Variants in CDC42BPB observed in about 807,000 individuals in gnomAD.
The protein encoded by CDC42BPB is CDC42 binding protein kinase beta, also known as serine/threonine-protein kinase MRCK beta.
Under a neutral mutation model 214.9 loss-of-function variants are expected in CDC42BPB, and 37 were observed. The ratio of observed to expected loss-of-function variants is 0.17; its 90% confidence interval spans 0.13 to 0.23. CDC42BPB has a LOEUF of 0.23. Among genes scored for constraint, CDC42BPB ranks in the 10% least tolerant of loss-of-function variants. The pLI, the probability that CDC42BPB is intolerant of heterozygous loss-of-function variation, is 1.00. For synonymous variants in CDC42BPB, 931 were observed against 884.0 expected, an observed-to-expected ratio of 1.05 and a Z score of -0.94; for missense variants, 1,694 against 2,227.0, an observed-to-expected ratio of 0.76 and a Z score of 4.82.
intron 36 of CDC42BPB, among the ~76,000 whole-genome samples, chr14:102,935,442 T>C (rs1891606350): frequency 6.6e-6 from 1 of 151,652 alleles, no homozygotes; most frequent in South Asian, 2.1e-4. Context: ...GCTGAAAAAA[T>C]AGCTTAAATA....
chr14:102,997,366 C>A (rs1035595891), intron 5 of CDC42BPB, among the ~76,000 whole-genome samples: 14 of 152,314 alleles, frequency 9.2e-5, no homozygotes, highest in African/African-American at 3.1e-4. Context: ...AAAACTCTCT[C>A]ATATACCCCC....
chr14:102,942,973 A>T (rs562909575), intron 30 of CDC42BPB, among the ~76,000 whole-genome samples: 1 of 152,270 alleles, frequency 6.6e-6, no homozygotes, highest in Non-Finnish European at 1.5e-5. Flanking sequence ...GGTTCAAGCG[A>T]TTCTCCTGCC....
At position 102,981,032 on chromosome 14, in the gene CDC42BPB, T is replaced by G; in HGVS notation, c.892-11A>C. ...GAACTGGAATCGCTCCTGCAAGGGG[T>G]GGCAAAAACACCGGTGGACAGGTGG... is the stretch of plus-strand genomic sequence containing the variant. On this transcript the variant is annotated splice_polypyrimidine_tract_variant and intron_variant, in intron 7 of 36. Coordinates refer to ENST00000361246, the MANE Select transcript of CDC42BPB (RefSeq NM_006035.4). 6.2e-7 allele frequency: 1 copy of G among 1,613,870 alleles called. No homozygotes were observed. Among genetic ancestry groups the G allele is most frequent in the Non-Finnish European group, 8.5e-7 (1 of 1,179,876 alleles).
chr14:103,050,999 C>T (rs567189713), intron 1 of CDC42BPB, among the ~76,000 whole-genome samples: 1 of 152,126 alleles, frequency 6.6e-6, no homozygotes, highest in African/African-American at 2.4e-5. Context: ...TATTACACAT[C>T]GATTTTTTGC....
chr14:103,033,897 T>C (rs1309272396), intron 1 of CDC42BPB, among the ~76,000 whole-genome samples: 2 of 152,214 alleles, frequency 1.3e-5, no homozygotes, highest in African/African-American at 2.4e-5. Flanking sequence ...GCCCCACGCC[T>C]GGTGTATTTG....
At chr14:102,970,114 C>T (rs1324528151) in intron 14 of CDC42BPB, 37 bp downstream of exon 14, 2 of 1,506,640 alleles carry the variant, frequency 1.3e-6, no homozygotes, top group South Asian at 2.3e-5. Context: ...ATAAGCATCC[C>T]TCTCAGTTAA....
chr14:102,947,923 C>A, intron 26 of CDC42BPB, 121 bp from the exon 27 acceptor site: 3 of 1,540,020 alleles, frequency 1.9e-6, no homozygotes. Context: ...CAGTGGAGGG[C>A]GGGTCCCTCG....
rs10710013 is a variant in CDC42BPB, at chr14:102,959,296, CAA to C, written c.2901+333_2901+334del. Among the ~76,000 whole-genome samples, 931 of 130,466 alleles carry C rather than the reference CAA, an allele frequency of 7.1e-3. 3 individuals are homozygous for C. The highest frequency in any genetic ancestry group is 0.014 in the African/African-American group (481 of 35,076). 85.6% of individuals were successfully genotyped at this position (130,466 alleles called of 152,430 possible). On this transcript the variant is annotated intron_variant, in intron 21 of 36. Transcript: ENST00000361246. ...TGGGTGACAGAGCAAGACTCCGTCT[CAA>C]AAAAAAAAAAAAAAATACTCACTAC...
rs765236814 is a variant in CDC42BPB at position 102,939,621 on chromosome 14, C to A, written c.4816G>T (p.Asp1606Tyr). Residue 1606 changes from aspartate (D) to tyrosine (Y), a missense_variant, in exon 34 of 37, where the codon GAC becomes TAC. Around this residue, in one of 7 missense-constraint regions of CDC42BPB, gnomAD observed 567 missense variants for 790.3 expected, o/e 0.72. Transcript: ENST00000361246. ...GPGDGMQVLM[D>Y]LPLSAVPPSQ... ...GGCCGTGCACGCACCAGAGGCAGGT[C>A]CATGAGCACCTGCATGCCGTCGCCT... The A allele has an allele frequency of 6.2e-7, 1 of 1,610,514 alleles. No homozygotes were observed. The highest frequency in any genetic ancestry group is 2.2e-5 in the East Asian group (1 of 44,868).
intron 27 of CDC42BPB, among the ~76,000 whole-genome samples, 180 bp downstream of exon 27, chr14:102,947,541 G>T (rs906614099): frequency 6.6e-6 from 1 of 152,154 alleles, no homozygotes; most frequent in African/African-American, 2.4e-5. Context: ...GGCTCCCCGA[G>T]ACGGGCACAG....
At chr14:103,002,881 G>C (rs778571689) in intron 4 of CDC42BPB, among the ~76,000 whole-genome samples, 28 of 152,132 alleles carry the variant, frequency 1.8e-4, no homozygotes, top group Non-Finnish European at 3.5e-4. Context: ...TATATATAAA[G>C]TCTACATAAG....
At chr14:103,026,291 T>C (rs1035430268) in intron 1 of CDC42BPB, among the ~76,000 whole-genome samples, 2 of 151,822 alleles carry the variant, frequency 1.3e-5, no homozygotes, top group African/African-American at 4.8e-5. Context: ...CTCAGGAGAC[T>C]GAGGCAGGAG....
chr14:102,963,236 A>C lies in CDC42BPB; in HGVS notation c.2727-81T>G, dbSNP rs527537449. ...GGTATGGGGCAGGTCAGGATGAGAG[A>C]GCCGGGATTTCTCCCCAGCACTCAG... On this transcript the variant is annotated intron_variant, in intron 19 of 36. Transcript: ENST00000361246. 5.3e-5 allele frequency: 80 copies of C among 1,512,934 alleles called. 3 individuals are homozygous for C. The Admixed American group carries it at 1.4e-3, about 26-fold the overall frequency. 93.7% of individuals were successfully genotyped at this position (1,512,934 alleles called of 1,614,324 possible). A position where few individuals can be genotyped will look rare whatever the true frequency, so the allele number is the denominator to read the frequency against.
rs977538538 is a variant in CDC42BPB at position 102,970,006 on chromosome 14, C to T, written c.1995+145G>A. 6.8e-6 allele frequency: 4 copies of T among 585,092 alleles called. No individual in the cohort carries two copies. The African/African-American group carries it at 7.4e-5, about 11-fold the overall frequency. The allele number at this position is 585,092 out of a possible 1,614,324, so 36.2% of individuals were successfully genotyped here. On this transcript the variant is annotated intron_variant, in intron 14 of 36. Transcript: ENST00000361246. ...ACGAAGGCAGGGGTCACACCCCCCA[C>T]CTCTCCACATGTGGGTCTTGTCTGA...
chr14:102,935,907 C>T (rs1464336579), intron 36 of CDC42BPB, among the ~76,000 whole-genome samples: 4 of 152,142 alleles, frequency 2.6e-5, no homozygotes, highest in African/African-American at 9.7e-5. Flanking sequence ...AACCCAGCCA[C>T]AAAAGGACAA....
chr14:103,010,893 G>C (rs1416093500), intron 2 of CDC42BPB, among the ~76,000 whole-genome samples: 2 of 152,172 alleles, frequency 1.3e-5, no homozygotes, highest in Non-Finnish European at 2.9e-5. Flanking sequence ...TAGCTGGCCT[G>C]GTGGCGGGCA....
At chr14:102,972,769 G>A (rs1213022429) in intron 12 of CDC42BPB, among the ~76,000 whole-genome samples, 2 of 140,360 alleles carry the variant, frequency 1.4e-5, no homozygotes, top group African/African-American at 2.7e-5. Flanking sequence ...TGGGGGCAGC[G>A]TGCTTACAGG....
intron 11 of CDC42BPB, among the ~76,000 whole-genome samples, chr14:102,974,750 G>A (rs1272073972): frequency 6.6e-6 from 1 of 152,172 alleles, no homozygotes; most frequent in African/African-American, 2.4e-5. Context: ...GAGGTCAGGA[G>A]ATCGAGACCA....
chr14:102,991,504 G>T (rs1002602048), intron 5 of CDC42BPB, among the ~76,000 whole-genome samples: 11 of 152,258 alleles, frequency 7.2e-5, no homozygotes, highest in African/African-American at 2.7e-4. Flanking sequence ...AGAAAATACT[G>T]TAAGAGATGC....
Sources: gnomAD v4.1 joint callset for allele counts (sites outside exome capture counted in the v4.1 genomes callset) on GRCh38, gnomAD v4.1.1 for gene constraint, gnomAD v4.1.1 regional missense constraint, MANE v1.5 for transcripts, NCBI Gene and HGNC (gene_info 2026-07-23, HGNC 2026-07-21) for gene names.